The following ZNF14 variants were observed in gnomAD, a reference collection of about 807,000 sequenced individuals.
ZNF14 encodes gonadotropin inducible transcription repressor-4.
In ZNF14, 9 loss-of-function variants were observed where a neutral mutation model predicts 11.3. The observed-to-expected ratio is 0.80, with a 90% CI of 0.48 to 1.39. ZNF14 has a LOEUF of 1.39. ZNF14 is among the 40% of genes most tolerant of loss of function. The pLI is 0.00. For missense variants in ZNF14, 711 were observed against 763.9 expected, an observed-to-expected ratio of 0.93 and a Z score of 0.82; for synonymous variants, 239 against 245.7, an observed-to-expected ratio of 0.97 and a Z score of 0.25.
chr19:19,718,657 C>T (rs149112752), intron 1 of ZNF14, among the ~76,000 whole-genome samples: 1 of 152,308 alleles, frequency 6.6e-6, no homozygotes, highest in Non-Finnish European at 1.5e-5. Flanking sequence ...CCCAAATCCA[C>T]ACCTGGGTGT....
rs1568447523 is a variant in ZNF14 at position 19,710,511 on chromosome 19, A to T, written c.*841T>A. The T allele has an allele frequency of 6.6e-6, 1 of 152,220 alleles. No homozygotes were observed. The highest frequency in any genetic ancestry group is 2.4e-5 in the African/African-American group (1 of 41,468). 9.4% of individuals were successfully genotyped at this position (152,220 alleles called of 1,614,324 possible). ...TTTATTACTGGGCTGTTTACATGAT[A>T]CTTTCTTTCTTATTAAATATAACCT... On this transcript the variant is annotated 3_prime_UTR_variant, in exon 4 of 4. Coordinates refer to ENST00000344099, the MANE Select transcript of ZNF14 (RefSeq NM_021030.3).
At chr19:19,718,329 G>A (rs1000194803) in intron 1 of ZNF14, among the ~76,000 whole-genome samples, 12 of 152,066 alleles carry the variant, frequency 7.9e-5, no homozygotes, top group East Asian at 1.9e-4. Flanking sequence ...AAAAGGTAAC[G>A]AAGGACATAA....
rs149327906 is a variant in ZNF14, at chr19:19,712,864, T to C, written c.417A>G (p.Gln139=). The change falls in exon 4 of 4, where the codon CAA becomes CAG. Residue 139 remains glutamine, a synonymous_variant. Transcript: ENST00000344099. ...TCCCAACTGCTTTACATTTACATGGTTGCTTTTCATATTCCTGATACTCAT... is the reference window on the plus strand; with the variant it reads ...TCCCAACTGCTTTACATTTACATGGCTGCTTTTCATATTCCTGATACTCAT... ...KPNEYQEYEK[Q]PCKCKAVGKT... is the part of the protein sequence containing the mutation. 39 of 1,614,064 alleles carry C rather than the reference T, an allele frequency of 2.4e-5. 1 individual carries two copies. The highest frequency in any genetic ancestry group is 2.1e-4 in the African/African-American group (16 of 74,938).
chr19:19,712,834 G>A lies in ZNF14; in HGVS notation c.447C>T (p.Thr149=). Residue 149 remains threonine, a synonymous_variant, in exon 4 of 4, where the codon ACC becomes ACT. Coordinates refer to ENST00000344099, the MANE Select transcript of ZNF14 (RefSeq NM_021030.3). ...QPCKCKAVGK[T]FSYHHCFRKH... is the part of the protein sequence containing the mutation. ...TGCGAAAGCAGTGGTGATAACTGAA[G>A]GTTTTCCCAACTGCTTTACATTTAC... The A allele has an allele frequency of 1.2e-6, 2 of 1,614,144 alleles. No individual in the cohort carries two copies. Among genetic ancestry groups the A allele is most frequent in the Non-Finnish European group, 1.7e-6 (2 of 1,180,018 alleles).
intron 1 of ZNF14, among the ~76,000 whole-genome samples, chr19:19,717,973 T>C (rs764071581): frequency 2.0e-5 from 3 of 152,140 alleles, no homozygotes; most frequent in Non-Finnish European, 1.5e-5. Flanking sequence ...AATTTTAACC[T>C]CTGACATCTA....
intron 1 of ZNF14, among the ~76,000 whole-genome samples, chr19:19,729,319 C>CT (rs10717958): frequency 3.3e-4 from 46 of 137,794 alleles, no homozygotes; most frequent in East Asian, 2.8e-3. Context: ...ACACACACAA[C>CT]TTTTTTTTTT....
At chr19:19,721,767 G>A (rs768325053) in intron 1 of ZNF14, among the ~76,000 whole-genome samples, 2 of 152,024 alleles carry the variant, frequency 1.3e-5, no homozygotes, top group Non-Finnish European at 2.9e-5. Context: ...TTCAAGACCA[G>A]CCTGATCAAC....
chr19:19,712,504 A>C lies in ZNF14; in HGVS notation c.777T>G (p.Ala259=). The C allele has an allele frequency of 6.2e-7, 1 of 1,609,736 alleles. No individual in the cohort carries two copies. The highest frequency in any genetic ancestry group is 8.5e-7 in the Non-Finnish European group (1 of 1,178,458). ...KPYECKQCGK[A]FSCPTYFRTH... is the part of the protein sequence containing the mutation. ...TTCGAAAGTATGTGGGACAACTGAA[A>C]GCCTTACCACATTGCTTACATTCAT... The change falls in exon 4 of 4, where the codon GCT becomes GCG. Residue 259 remains alanine, a synonymous_variant. Transcript: ENST00000344099.
chr19:19,721,728 G>A (rs796866125), intron 1 of ZNF14, among the ~76,000 whole-genome samples: 31 of 152,148 alleles, frequency 2.0e-4, no homozygotes, highest in East Asian at 1.2e-3. Context: ...TTGGGAGGCC[G>A]AGGTGGGTGG....
At chr19:19,718,172 T>C (rs1462006481) in intron 1 of ZNF14, among the ~76,000 whole-genome samples, 1 of 152,124 alleles carries the variant, frequency 6.6e-6, no homozygotes, top group African/African-American at 2.4e-5. Context: ...AGAACCAGAT[T>C]AGGTATAGAA....
rs1043692021 is a variant in ZNF14 at position 19,712,816 on chromosome 19, G to C, written c.465C>G (p.Cys155Trp). The stretch of plus-strand genomic sequence containing the variant: ...TGTGAGTTCTTTCATGTTTGCGAAA[G>C]CAGTGGTGATAACTGAAGGTTTTCC... ...AVGKTFSYHH[C>W]FRKHERTHTG... Residue 155 changes from cysteine to tryptophan, a missense_variant, in exon 4 of 4, where the codon TGC (cysteine) becomes TGG (tryptophan). Cys to Trp is a radical substitution (Grantham distance 215). Transcript: ENST00000344099. 1 of 1,614,168 alleles carries C rather than the reference G, an allele frequency of 6.2e-7. No individual in the cohort carries two copies.
intron 1 of ZNF14, among the ~76,000 whole-genome samples, chr19:19,721,428 G>A (rs1239219617): frequency 6.6e-6 from 1 of 152,174 alleles, no homozygotes; most frequent in African/African-American, 2.4e-5. Flanking sequence ...AGGTAAAAGA[G>A]GAGACTTAGA....
Position 19,711,225 on chromosome 19 carries a change from A to C in ZNF14, c.*127T>G. The C allele has an allele frequency of 1.8e-6, 2 of 1,120,436 alleles. No individual in the cohort carries two copies. The highest frequency in any genetic ancestry group is 2.4e-6 in the Non-Finnish European group (2 of 818,762). The allele number at this position is 1,120,436 out of a possible 1,614,324, so 69.4% of individuals were successfully genotyped here. ...CAGTGGGAATTCTTTCGTGCTCAAA[A>C]GAAACTGGAACAATTAAGGGCTTTA... On this transcript the variant is annotated 3_prime_UTR_variant, in exon 4 of 4. Transcript: ENST00000344099.
Position 19,726,801 on chromosome 19 carries a change from C to A in ZNF14, c.3+6155G>T, listed in dbSNP as rs546078952. Among the ~76,000 whole-genome samples, 15 of 133,194 alleles carry A rather than the reference C, an allele frequency of 1.1e-4. 3 individuals carry two copies. The South Asian group carries it at 3.7e-3, about 33-fold the overall frequency. 87.4% of individuals were successfully genotyped at this position (133,194 alleles called of 152,430 possible). On this transcript the variant is annotated intron_variant, in intron 1 of 3. Transcript: ENST00000344099. ...TCAGCAATGACGGACGCCCCTTCCC[C>A]AGCCTTGCTGCCGACTTGCAGTTTG...
Position 19,712,457 on chromosome 19 carries a change from C to G in ZNF14, c.824G>C (p.Gly275Ala). ...TTCTTTACATTTGTAGGGTTTTTCT[C>G]CAGTGTGAGTTCTTTCATGAGTTCG... ...YFRTHERTHTGEKPYKCKECG... is the reference protein window; with the variant it reads ...YFRTHERTHTAEKPYKCKECG... The change falls in exon 4 of 4, where the codon GGA (glycine) becomes GCA (alanine). Residue 275 changes from glycine (G) to alanine (A), a missense_variant. By Grantham distance (60) the Gly-to-Ala change is moderately conservative. Transcript: ENST00000344099. 1 of 1,559,214 alleles carries G rather than the reference C, an allele frequency of 6.4e-7. No homozygotes were observed. The highest frequency in any genetic ancestry group is 8.8e-7 in the Non-Finnish European group (1 of 1,142,580).
rs950791322 is a variant in ZNF14, at chr19:19,711,127, G to A, written c.*225C>T. 1.3e-5 allele frequency: 6 copies of A among 463,150 alleles called. No homozygotes were observed. The highest frequency in any genetic ancestry group is 2.2e-5 in the Non-Finnish European group (6 of 273,692). 28.7% of individuals were successfully genotyped at this position (463,150 alleles called of 1,614,324 possible). ...AACAAAACAGATTTCACTGCAGCAC[G>A]AGTCCTGTCTTTGAAATGAATTAGG... On this transcript the variant is annotated 3_prime_UTR_variant, in exon 4 of 4. Coordinates refer to ENST00000344099, the MANE Select transcript of ZNF14 (RefSeq NM_021030.3).
intron 1 of ZNF14, among the ~76,000 whole-genome samples, chr19:19,725,829 A>G (rs1479211460): frequency 7.5e-6 from 1 of 133,218 alleles, no homozygotes; most frequent in Admixed American, 7.4e-5. Context: ...CATTCATTTG[A>G]TCTTCAATCA....
chr19:19,714,936 C>G (rs1209796902), intron 1 of ZNF14, among the ~76,000 whole-genome samples: 4 of 151,976 alleles, frequency 2.6e-5, no homozygotes, highest in Admixed American at 2.6e-4. Flanking sequence ...TCTCGAACTC[C>G]TGAGCTCAGG....
rs1451147106 is a variant in ZNF14 at position 19,724,816 on chromosome 19, A to G, written c.3+8140T>C. Among the ~76,000 whole-genome samples the G allele has an allele frequency of 2.3e-5, 3 of 132,986 alleles. 1 individual carries two copies. The highest frequency in any genetic ancestry group is 5.0e-5 in the Non-Finnish European group (3 of 59,900). 87.2% of individuals were successfully genotyped at this position (132,986 alleles called of 152,430 possible). A position where few individuals can be genotyped will look rare whatever the true frequency, so the allele number is the denominator to read the frequency against. On this transcript the variant is annotated intron_variant, in intron 1 of 3. Coordinates refer to ENST00000344099, the MANE Select transcript of ZNF14 (RefSeq NM_021030.3). ...ATAGTTAGCTCTTCTTGTTGAATTG[A>G]TCCCTTTACCATTATGTAATGGCCT...
Sources: allele counts gnomAD v4.1 joint callset (sites outside exome capture counted in the v4.1 genomes callset), GRCh38; gene constraint gnomAD v4.1.1; transcripts MANE v1.5; gene names NCBI Gene and HGNC (gene_info 2026-07-23, HGNC 2026-07-21).